C12orf56: variants seen among roughly 807,000 people sequenced by gnomAD.
The protein encoded by C12orf56 is chromosome 12 open reading frame 56.
In C12orf56, 71 loss-of-function variants were observed where a neutral mutation model predicts 69.9. The ratio of observed to expected loss-of-function variants is 1.02; its 90% CI spans 0.84 to 1.24. C12orf56 has a LOEUF of 1.24. Among genes scored for constraint, C12orf56 ranks in the 50% most tolerant of loss-of-function variants. The pLI is 0.00. For synonymous variants in C12orf56, 276 were observed against 274.1 expected, an observed-to-expected ratio of 1.01 and a Z score of -0.07; for missense variants, 732 against 738.5, an observed-to-expected ratio of 0.99 and a Z score of 0.10.
chr12:64,362,619 G>T (rs1459540284), intron 1 of C12orf56, among the ~76,000 whole-genome samples: 2 of 152,222 alleles, frequency 1.3e-5, no homozygotes, highest in African/African-American at 4.8e-5. Flanking sequence ...TTCAACCTGG[G>T]GGGCAGAGGT....
chr12:64,343,269 A>T (rs1048769708), intron 2 of C12orf56, among the ~76,000 whole-genome samples: 10 of 152,148 alleles, frequency 6.6e-5, no homozygotes, highest in Non-Finnish European at 1.5e-4. Context: ...TAGCACACAA[A>T]TGTCTCACCA....
intron 3 of C12orf56, among the ~76,000 whole-genome samples, chr12:64,325,135 C>A (rs1168366608): frequency 6.6e-6 from 1 of 152,054 alleles, no homozygotes; most frequent in Non-Finnish European, 1.5e-5. Flanking sequence ...TGCCATTATT[C>A]CAGGTCAGCT....
chr12:64,376,914 C>A (rs948195005), intron 1 of C12orf56, among the ~76,000 whole-genome samples: 5 of 151,508 alleles, frequency 3.3e-5, no homozygotes, highest in Non-Finnish European at 5.9e-5. Context: ...GTAGTTCTGC[C>A]TCTAGGTCTT....
chr12:64,345,065 C>G (rs753355127), intron 2 of C12orf56, among the ~76,000 whole-genome samples: 5 of 152,168 alleles, frequency 3.3e-5, no homozygotes, highest in Non-Finnish European at 7.4e-5. Context: ...ATTCCCATGT[C>G]TGTTCTCCAG....
intron 4 of C12orf56, among the ~76,000 whole-genome samples, chr12:64,316,765 G>A (rs2038696341): frequency 6.6e-6 from 1 of 152,098 alleles, no homozygotes; most frequent in South Asian, 2.1e-4. Flanking sequence ...TACCTCATAG[G>A]GTTGTTGTAA....
At position 64,303,731 on chromosome 12, in the gene C12orf56, A is replaced by G; in HGVS notation, c.1017T>C (p.Phe339=). Residue 339 remains phenylalanine, a synonymous_variant, in exon 6 of 13, where the codon TTT becomes TTC. Coordinates refer to ENST00000543942, the MANE Select transcript of C12orf56 (RefSeq NM_001170633.2). ...KHFSQLKSEL[F]LKDNSLRRIL... ...TCCTCCTCAAAGAATTGTCTTTAAG[A>G]AAAAGTTCAGATTTAAGTTGACTGA... The G allele has an allele frequency of 6.3e-7, 1 of 1,586,544 alleles. No individual in the cohort carries two copies.
At chr12:64,311,634 G>A (rs2038618470) in intron 5 of C12orf56, among the ~76,000 whole-genome samples, 1 of 152,182 alleles carries the variant, frequency 6.6e-6, no homozygotes, top group Non-Finnish European at 1.5e-5. Context: ...AAGAGAACAG[G>A]GAGCTTCCTG....
chr12:64,277,513 T>C (rs2038066815), intron 9 of C12orf56, among the ~76,000 whole-genome samples, 167 bp downstream of exon 9: 1 of 152,120 alleles, frequency 6.6e-6, no homozygotes, highest in African/African-American at 2.4e-5. Context: ...TCTCTAAATC[T>C]ACTTTAGACT....
At chr12:64,326,563 C>T (rs529331038) in intron 3 of C12orf56, among the ~76,000 whole-genome samples, 19 of 152,090 alleles carry the variant, frequency 1.2e-4, no homozygotes, top group Admixed American at 2.6e-4. Context: ...GGTGAAACCC[C>T]GTCCCTACTA....
At chr12:64,337,594 T>TG (rs2039012630) in intron 2 of C12orf56, among the ~76,000 whole-genome samples, 1 of 152,152 alleles carries the variant, frequency 6.6e-6, no homozygotes, top group Admixed American at 6.5e-5. Flanking sequence ...CAGTGGCTCA[T>TG]GCCTGTAATC....
intron 1 of C12orf56, among the ~76,000 whole-genome samples, chr12:64,362,723 T>C (rs953225092): frequency 6.6e-6 from 1 of 152,012 alleles, no homozygotes; most frequent in African/African-American, 2.4e-5. Context: ...GCAATAAGAA[T>C]GGCTACTCCA....
intron 2 of C12orf56, chr12:64,338,496 G>A (rs1055674613): frequency 2.0e-6 from 2 of 985,196 alleles, no homozygotes; most frequent in South Asian, 1.3e-5. Context: ...ATCATTCAGG[G>A]CTCCAGCAAC....
At chr12:64,300,605 A>C (rs2038430922) in intron 6 of C12orf56, among the ~76,000 whole-genome samples, 1 of 151,950 alleles carries the variant, frequency 6.6e-6, no homozygotes, top group African/African-American at 2.4e-5. Flanking sequence ...TGCTGGCTTT[A>C]CTCTTGACAA....
At chr12:64,308,325 A>AC (rs2038542931) in intron 5 of C12orf56, among the ~76,000 whole-genome samples, 2 of 152,210 alleles carry the variant, frequency 1.3e-5, no homozygotes, top group Non-Finnish European at 2.9e-5. Flanking sequence ...CTGTATCAAT[A>AC]AATACATACA....
At chr12:64,326,546 C>G (rs936591196) in intron 3 of C12orf56, among the ~76,000 whole-genome samples, 1 of 152,076 alleles carries the variant, frequency 6.6e-6, no homozygotes, top group African/African-American at 2.4e-5. Flanking sequence ...ACCAGCCTGA[C>G]AAACATGGTG....
chr12:64,279,284 G>C (rs992886967), intron 8 of C12orf56, among the ~76,000 whole-genome samples: 19 of 151,926 alleles, frequency 1.3e-4, no homozygotes, highest in African/African-American at 4.6e-4. Flanking sequence ...TCCAATGTGG[G>C]GTACCGTCCA....
chr12:64,330,108 T>C (rs961216681), intron 3 of C12orf56, among the ~76,000 whole-genome samples: 2 of 152,200 alleles, frequency 1.3e-5, no homozygotes, highest in Non-Finnish European at 2.9e-5. Flanking sequence ...CCACACTGAC[T>C]TCCACAATGG....
At chr12:64,341,038 A>G (rs575297083) in intron 2 of C12orf56, among the ~76,000 whole-genome samples, 11 of 152,228 alleles carry the variant, frequency 7.2e-5, no homozygotes, top group Non-Finnish European at 1.3e-4. Context: ...GACTGATTTC[A>G]TCTTGATAGT....
intron 3 of C12orf56, among the ~76,000 whole-genome samples, chr12:64,325,372 A>AAGAAGAAGAAGAAGAAGAAG (rs1555189852): frequency 7.1e-6 from 1 of 141,394 alleles, no homozygotes; most frequent in Non-Finnish European, 1.5e-5. Context: ...AAAAAAAAAA[A>AAGAAGAAGAAGAAGAAGAAG]AAGAAGAAGA....
Sources: allele counts gnomAD v4.1 joint callset (sites outside exome capture counted in the v4.1 genomes callset), GRCh38; gene constraint gnomAD v4.1.1; transcripts MANE v1.5; gene names NCBI Gene and HGNC (gene_info 2026-07-23, HGNC 2026-07-21).